The following GPHN variants were observed in gnomAD, a reference collection of about 807,000 sequenced individuals.
The protein encoded by GPHN is gephyrin.
A neutral mutation model predicts 95.5 loss-of-function variants in GPHN; 17 were observed. The observed-to-expected ratio is 0.18, with a 90% CI of 0.12 to 0.27. The LOEUF (loss-of-function observed/expected upper bound fraction) is 0.27. Among genes scored for constraint, GPHN ranks in the 10% least tolerant of loss-of-function variants. GPHN has a pLI of 1.00. For synonymous variants in GPHN, 320 were observed against 322.5 expected (o/e 0.99, Z 0.08); for missense variants, 660 against 978.1 (o/e 0.67, Z 4.34).
chr14:67,388,233 C>A, the GPHN span: 1 of 1,610,792 alleles, frequency 6.2e-7, no homozygotes, highest in African/African-American at 1.3e-5. Flanking sequence ...CCAGTGGGAA[C>A]GCCATTATCT....
At chr14:67,401,869 A>G in the GPHN span, among the ~76,000 whole-genome samples, 9 of 152,160 alleles carry the variant, frequency 5.9e-5, no homozygotes, top group African/African-American at 1.9e-4. Flanking sequence ...CACGCCTGTA[A>G]TTCCAACATT....
chr14:67,733,883 C>A, the GPHN span: 1 of 1,491,936 alleles, frequency 6.7e-7, no homozygotes. Flanking sequence ...CAGGCCCAAT[C>A]CATGCCATAA....
chr14:67,601,874 T>G, the GPHN span, among the ~76,000 whole-genome samples: 1 of 150,790 alleles, frequency 6.6e-6, no homozygotes, highest in Non-Finnish European at 1.5e-5. Flanking sequence ...GTGTCTATAT[T>G]CATTTAAAAA....
chr14:66,697,542 C>T (rs1170741543), intron 2 of GPHN, among the ~76,000 whole-genome samples: 1 of 152,034 alleles, frequency 6.6e-6, no homozygotes, highest in African/African-American at 2.4e-5. Context: ...GTGTTTTTCT[C>T]TGGCTTCTGT....
the GPHN span, among the ~76,000 whole-genome samples, chr14:67,498,250 C>T: frequency 6.6e-6 from 1 of 152,288 alleles, no homozygotes; most frequent in East Asian, 1.9e-4. Flanking sequence ...ACCTGGTTTG[C>T]CAAGACGTTC....
At chr14:66,910,107 A>T (rs1159652887) in intron 5 of GPHN, among the ~76,000 whole-genome samples, 1 of 151,840 alleles carries the variant, frequency 6.6e-6, no homozygotes, top group Non-Finnish European at 1.5e-5. Context: ...TGCAGAATCG[A>T]CCCTCTAGAA....
chr14:67,223,925 G>C, the GPHN span: 1 of 984,932 alleles, frequency 1.0e-6, no homozygotes, highest in Non-Finnish European at 1.2e-6. Flanking sequence ...AATGTAATTG[G>C]AGTACAAATT....
At chr14:66,804,002 G>GA (rs2060454183) in intron 3 of GPHN, among the ~76,000 whole-genome samples, 1 of 144,186 alleles carries the variant, frequency 6.9e-6, no homozygotes, top group South Asian at 2.3e-4. Context: ...ATCTCTTTTG[G>GA]GGGTTTTTTT....
At chr14:66,839,467 G>A (rs992898958) in intron 4 of GPHN, among the ~76,000 whole-genome samples, 4 of 152,084 alleles carry the variant, frequency 2.6e-5, no homozygotes, top group Admixed American at 2.6e-4. Context: ...AAACCTTTAT[G>A]GAAAGAAAAG....
chr14:67,586,713 TAG>T, the GPHN span: 1 of 867,250 alleles, frequency 1.2e-6, no homozygotes, highest in Non-Finnish European at 1.6e-6. Context: ...ATCCTAAAGT[TAG>T]AGTTTGCCAA....
At chr14:66,655,585 T>C (rs1339502698) in intron 1 of GPHN, among the ~76,000 whole-genome samples, 1 of 152,174 alleles carries the variant, frequency 6.6e-6, no homozygotes, top group Non-Finnish European at 1.5e-5. Context: ...TGTTTGCTTC[T>C]TATTTCCTTT....
At chr14:67,676,653 G>T in the GPHN span, 1 of 152,160 alleles carries the variant, frequency 6.6e-6, no homozygotes, top group South Asian at 2.1e-4. Flanking sequence ...AGGTTAAGTA[G>T]GAAATGGTGA....
chr14:66,611,583 G>A (rs2062785478), intron 1 of GPHN, among the ~76,000 whole-genome samples: 1 of 152,088 alleles, frequency 6.6e-6, no homozygotes, highest in Admixed American at 6.6e-5. Context: ...TTGTAAATCA[G>A]CACTTCCAGT....
chr14:67,295,269 G>C, the GPHN span, among the ~76,000 whole-genome samples: 2 of 151,776 alleles, frequency 1.3e-5, no homozygotes, highest in African/African-American at 4.8e-5. Context: ...TGGATCATTT[G>C]AGGTCAGGAG....
intron 9 of GPHN, among the ~76,000 whole-genome samples, chr14:66,992,514 C>T (rs1403214324): frequency 6.6e-6 from 1 of 151,948 alleles, no homozygotes. Context: ...TCCTGAATGC[C>T]AATATGGGAT....
At chr14:67,376,302 A>T in the GPHN span, 1 of 866,128 alleles carries the variant, frequency 1.2e-6, no homozygotes, top group Non-Finnish European at 1.7e-6. Flanking sequence ...ATACCCACTT[A>T]AAGTGAGTAT....
rs2071787028 is a variant in GPHN at position 66,996,257 on chromosome 14, T to G, written c.964-27376T>G. The G allele has an allele frequency of 2.4e-6, 3 of 1,228,638 alleles. No homozygotes were observed. In the South Asian group the frequency reaches 3.8e-5, roughly 16 times the overall value. 76.1% of individuals were successfully genotyped at this position (1,228,638 alleles called of 1,614,324 possible). On this transcript the variant is annotated intron_variant, in intron 9 of 22. Coordinates refer to ENST00000478722, the MANE Select transcript of GPHN (RefSeq NM_020806.5). ...GTGTTTTCTTACATGGTCAATAACA[T>G]GCTCGCCCTCACCATTTTTCTCATT...
At chr14:67,579,050 TG>T in the GPHN span, 1 of 932,334 alleles carries the variant, frequency 1.1e-6, no homozygotes, top group Non-Finnish European at 1.6e-6. Context: ...GTTTTGGTCC[TG>T]GCTGAGTCTA....
the GPHN span, among the ~76,000 whole-genome samples, chr14:67,324,429 T>G: frequency 6.6e-6 from 1 of 152,178 alleles, no homozygotes; most frequent in Non-Finnish European, 1.5e-5. Context: ...TTCCTTGTTT[T>G]TTTTGCTCCA....
Sources: gnomAD v4.1 joint callset for allele counts (sites outside exome capture counted in the v4.1 genomes callset) on GRCh38, gnomAD v4.1.1 for gene constraint, MANE v1.5 for transcripts, NCBI Gene and HGNC (gene_info 2026-07-23, HGNC 2026-07-21) for gene names.